ANKAR: variants seen among roughly 807,000 people sequenced by gnomAD.
The protein encoded by ANKAR is ankyrin and armadillo repeat containing.
ANKAR carries 136 observed loss-of-function variants against 146.2 expected under a neutral mutation model. The ratio of observed to expected loss-of-function variants is 0.93; its 90% confidence interval spans 0.81 to 1.07. The LOEUF (loss-of-function observed/expected upper bound fraction) is 1.07. Among genes scored for constraint, ANKAR ranks in the 50% least tolerant of loss-of-function variants. The probability of loss-of-function intolerance (pLI) is 0.00; values close to 1 mark genes in which losing one functional copy is unlikely to be tolerated. For synonymous variants in ANKAR, 500 were observed against 575.8 expected (o/e 0.87, Z 1.88); for missense variants, 1,567 against 1,679.9 (o/e 0.93, Z 1.18).
At chr2:189,728,138 G>GTT (rs1188393590) in intron 13 of ANKAR, 41 bp downstream of exon 13, 2 of 1,550,906 alleles carry the variant, frequency 1.3e-6, no homozygotes, top group African/African-American at 2.8e-5. Context: ...CTTAGATGAT[G>GTT]TTTTCTATTT....
downstream of ANKAR, among the ~76,000 whole-genome samples, chr2:189,748,604 G>A (rs2044553129): frequency 6.6e-6 from 1 of 152,104 alleles, no homozygotes; most frequent in Admixed American, 6.5e-5. Context: ...ACAACTTTCT[G>A]GTGGATTGAC....
At chr2:189,754,384 A>C in intron 18 of ANKAR, 1 of 1,517,840 alleles carries the variant, frequency 6.6e-7, no homozygotes, top group Non-Finnish European at 8.9e-7. Flanking sequence ...ATAAAATTAA[A>C]TACTGTGAAA....
At chr2:189,702,261 C>A (rs1013303569) in intron 7 of ANKAR, among the ~76,000 whole-genome samples, 14 of 152,106 alleles carry the variant, frequency 9.2e-5, no homozygotes, top group African/African-American at 3.4e-4. Flanking sequence ...TTCTCCCTCC[C>A]CCTGCTGGAA....
intron 7 of ANKAR, among the ~76,000 whole-genome samples, chr2:189,700,957 T>A (rs1000333517): frequency 6.6e-6 from 1 of 152,230 alleles, no homozygotes; most frequent in African/African-American, 2.4e-5. Flanking sequence ...GACACTTAGG[T>A]TGCTTCCAAA....
chr2:189,742,554 A>ATT (rs142651739), intron 20 of ANKAR, among the ~76,000 whole-genome samples: 1 of 151,892 alleles, frequency 6.6e-6, no homozygotes, highest in Non-Finnish European at 1.5e-5. Context: ...TTAAAAAAAA[A>ATT]TTTTTTTAAA....
At chr2:189,693,047 T>A (rs565386594) in intron 4 of ANKAR, 27 bp from the exon 5 acceptor site, 2 of 1,159,498 alleles carry the variant, frequency 1.7e-6, no homozygotes. Flanking sequence ...TAAGGATATG[T>A]CTTTAGTAAC....
At chr2:189,750,622 CA>C, downstream of ANKAR, 1 of 1,592,214 alleles carries the variant, frequency 6.3e-7, no homozygotes, top group Non-Finnish European at 8.6e-7. Context: ...GAAGCTTCTC[CA>C]ACTTCTTTTG....
chr2:189,735,401 G>A (rs932222747), intron 17 of ANKAR, among the ~76,000 whole-genome samples: 3 of 152,156 alleles, frequency 2.0e-5, no homozygotes, highest in Non-Finnish European at 4.4e-5. Flanking sequence ...GTCCTCCAGG[G>A]TTTCTTGTAC....
At chr2:189,696,450 G>A in intron 7 of ANKAR, 81 bp downstream of exon 7, 1 of 1,393,232 alleles carries the variant, frequency 7.2e-7, no homozygotes, top group Non-Finnish European at 9.7e-7. Context: ...TGATTTTAGA[G>A]CAGGTTAAAA....
intron 2 of ANKAR, among the ~76,000 whole-genome samples, chr2:189,679,833 G>T (rs1400623755): frequency 6.6e-6 from 1 of 152,102 alleles, no homozygotes; most frequent in African/African-American, 2.4e-5. Flanking sequence ...TTATCTTTCT[G>T]ATATGCTGTC....
At chr2:189,716,158 T>C (rs1415325723) in intron 10 of ANKAR, among the ~76,000 whole-genome samples, 1 of 152,222 alleles carries the variant, frequency 6.6e-6, no homozygotes, top group African/African-American at 2.4e-5. Context: ...TGTCCCTGTT[T>C]GCAGATGACA....
chr2:189,761,601 G>T, downstream of ANKAR: 1 of 1,605,352 alleles, frequency 6.2e-7, no homozygotes, highest in Non-Finnish European at 8.5e-7. Flanking sequence ...CTTTTTGATG[G>T]TTTAAAAAAA....
intron 1 of ANKAR, among the ~76,000 whole-genome samples, chr2:189,676,253 G>A (rs1331560927): frequency 1.3e-5 from 2 of 152,124 alleles, no homozygotes; most frequent in African/African-American, 4.8e-5. Flanking sequence ...CATGGTTAAT[G>A]ATAAAGGTTT....
chr2:189,753,934 A>G (rs1419248476), intron 18 of ANKAR: 3 of 1,613,494 alleles, frequency 1.9e-6, no homozygotes, highest in Non-Finnish European at 2.5e-6. Context: ...CATTATTTTG[A>G]GGTAACAAGT....
At chr2:189,757,400 T>A (rs2046238005) in intron 18 of ANKAR, among the ~76,000 whole-genome samples, 1 of 152,236 alleles carries the variant, frequency 6.6e-6, no homozygotes, top group African/African-American at 2.4e-5. Context: ...TTCACAATGA[T>A]CTGCTTACTG....
At chr2:189,679,244 C>T (rs1295720137) in intron 2 of ANKAR, among the ~76,000 whole-genome samples, 1 of 151,974 alleles carries the variant, frequency 6.6e-6, no homozygotes, top group Non-Finnish European at 1.5e-5. Flanking sequence ...GGATTGAGTT[C>T]TTGATTTGAG....
At chr2:189,760,737 G>A (rs1574930593) in intron 18 of ANKAR, among the ~76,000 whole-genome samples, 1 of 152,034 alleles carries the variant, frequency 6.6e-6, no homozygotes, top group Middle Eastern at 3.4e-3. Flanking sequence ...ATTGCAGTGA[G>A]CCGAGATCAT....
At chr2:189,703,554 T>C (rs1174372611) in intron 7 of ANKAR, among the ~76,000 whole-genome samples, 1 of 152,168 alleles carries the variant, frequency 6.6e-6, no homozygotes, top group Non-Finnish European at 1.5e-5. Flanking sequence ...TGTGTGAAGA[T>C]GCTTTACAAG....
At chr2:189,722,654 G>A (rs925392725) in intron 12 of ANKAR, among the ~76,000 whole-genome samples, 1 of 152,060 alleles carries the variant, frequency 6.6e-6, no homozygotes, top group Non-Finnish European at 1.5e-5. Context: ...AGGCCAAGGC[G>A]GGTGGATCAC....
Sources: allele counts gnomAD v4.1 joint callset (sites outside exome capture counted in the v4.1 genomes callset), GRCh38; gene constraint gnomAD v4.1.1; transcripts MANE v1.5; gene names NCBI Gene and HGNC (gene_info 2026-07-23, HGNC 2026-07-21).